The following SLC25A26 variants were observed in gnomAD, a reference collection of about 807,000 sequenced individuals.
SLC25A26 encodes the protein solute carrier family 25 member 26.
Under a neutral mutation model 37.8 loss-of-function variants are expected in SLC25A26, and 36 were observed. That is an observed-to-expected ratio of 0.95 (90% CI 0.73 to 1.26). The LOEUF (loss-of-function observed/expected upper bound fraction) is 1.26, where lower values mean the gene tolerates loss of function less well. Among genes scored for constraint, SLC25A26 ranks in the 50% most tolerant of loss-of-function variants. The pLI, the probability that SLC25A26 is intolerant of heterozygous loss-of-function variation, is 0.00. For missense variants in SLC25A26, 390 were observed against 331.1 expected (o/e 1.18, Z -1.38); for synonymous variants, 129 against 122.5 (o/e 1.05, Z -0.35).
chr3:66,318,449 T>C (rs2075601389), intron 5 of SLC25A26, among the ~76,000 whole-genome samples: 1 of 152,054 alleles, frequency 6.6e-6, no homozygotes, highest in South Asian at 2.1e-4. Flanking sequence ...CTTGTGAAGC[T>C]CCCGGGTGGG....
chr3:66,303,754 G>A (rs2075139327), intron 5 of SLC25A26, among the ~76,000 whole-genome samples: 1 of 152,196 alleles, frequency 6.6e-6, no homozygotes, highest in Non-Finnish European at 1.5e-5. Flanking sequence ...GCAGCAGTCT[G>A]AGGACCGCGT....
chr3:66,228,557 T>C (rs929466666), intron 1 of SLC25A26, among the ~76,000 whole-genome samples: 1 of 152,190 alleles, frequency 6.6e-6, no homozygotes, highest in Non-Finnish European at 1.5e-5. Context: ...ACCAGATACA[T>C]TTGTTGGCCT....
intron 5 of SLC25A26, among the ~76,000 whole-genome samples, chr3:66,317,361 T>C (rs2107627021): frequency 6.6e-6 from 1 of 152,284 alleles, no homozygotes; most frequent in South Asian, 2.1e-4. Context: ...CAGGCCCCTC[T>C]TCTGTAGGAC....
intron 3 of SLC25A26, among the ~76,000 whole-genome samples, chr3:66,257,397 C>G (rs1260257049): frequency 2.0e-5 from 3 of 151,926 alleles, no homozygotes; most frequent in African/African-American, 4.8e-5. Flanking sequence ...AGGGAAACAC[C>G]TGGGAATTCA....
chr3:66,372,960 C>G (rs551683476), intron 9 of SLC25A26, among the ~76,000 whole-genome samples: 1 of 152,326 alleles, frequency 6.6e-6, no homozygotes, highest in African/African-American at 2.4e-5. Context: ...GGGGTCAAGT[C>G]AAGTGGCGAC....
intron 1 of SLC25A26, among the ~76,000 whole-genome samples, chr3:66,209,387 A>G (rs930064894): frequency 2.9e-5 from 4 of 140,116 alleles, no homozygotes; most frequent in Admixed American, 7.6e-5. Context: ...ATGTACATGT[A>G]TCTATATGTA....
chr3:66,343,477 C>G (rs182488151), intron 5 of SLC25A26, among the ~76,000 whole-genome samples: 161 of 152,134 alleles, frequency 1.1e-3, no homozygotes, highest in African/African-American at 3.6e-3. Flanking sequence ...AAACTAAATA[C>G]CCAGTGGAAT....
chr3:66,188,580 C>A (rs2070874636), intron 1 of SLC25A26, among the ~76,000 whole-genome samples: 1 of 152,116 alleles, frequency 6.6e-6, no homozygotes, highest in African/African-American at 2.4e-5. Context: ...CCTTTGCCTT[C>A]TTCTATGAGT....
intron 1 of SLC25A26, among the ~76,000 whole-genome samples, chr3:66,204,335 A>T (rs1228853710): frequency 6.8e-6 from 1 of 147,952 alleles, no homozygotes; most frequent in East Asian, 2.1e-4. Flanking sequence ...CTGAGGCAGG[A>T]GAATGGAGTG....
At chr3:66,183,478 C>T (rs1327396797) in intron 1 of SLC25A26, among the ~76,000 whole-genome samples, 9 of 152,162 alleles carry the variant, frequency 5.9e-5, no homozygotes, top group South Asian at 2.1e-4. Flanking sequence ...ATGGCCCTCA[C>T]GCTGACTCTG....
Position 66,352,442 on chromosome 3 carries a change from G to GTT in SLC25A26, c.498+6044_498+6045dup, listed in dbSNP as rs58389048. Among the ~76,000 whole-genome samples, 126 of 128,984 alleles carry GTT rather than the reference G, an allele frequency of 9.8e-4. 6 individuals are homozygous for GTT. Among genetic ancestry groups the GTT allele is most frequent in the African/African-American group, 3.6e-3 (123 of 34,098 alleles). 84.6% of individuals were successfully genotyped at this position (128,984 alleles called of 152,430 possible). A position where few individuals can be genotyped will look rare whatever the true frequency, so the allele number is the denominator to read the frequency against. On this transcript the variant is annotated intron_variant, in intron 6 of 9. Transcript: ENST00000354883. ...CCTCGTTTTTTGTTTTTTGTTTTTTGTTTTTTTTTTTGAGATGTACCAAGG... is the reference window on the plus strand; with the variant it reads ...CCTCGTTTTTTGTTTTTTGTTTTTTGTTTTTTTTTTTTTGAGATGTACCAAGG...
At chr3:66,158,711 A>G (rs1195821522) in intron 1 of SLC25A26, among the ~76,000 whole-genome samples, 1 of 152,136 alleles carries the variant, frequency 6.6e-6, no homozygotes, top group African/African-American at 2.4e-5. Context: ...GGCTGAAGGA[A>G]AATAGGATTT....
chr3:66,310,383 C>G (rs1047471987), intron 5 of SLC25A26, among the ~76,000 whole-genome samples: 12 of 152,120 alleles, frequency 7.9e-5, no homozygotes, highest in African/African-American at 2.7e-4. Context: ...TATTTTGAGC[C>G]TATTTGTGTC....
At chr3:66,323,565 A>C (rs1172956488) in intron 5 of SLC25A26, among the ~76,000 whole-genome samples, 1 of 152,126 alleles carries the variant, frequency 6.6e-6, no homozygotes, top group African/African-American at 2.4e-5. Flanking sequence ...CAGCACTTTG[A>C]GAGGCCGAGG....
At chr3:66,356,532 A>G (rs138753655) in intron 6 of SLC25A26, among the ~76,000 whole-genome samples, 40 of 152,364 alleles carry the variant, frequency 2.6e-4, no homozygotes, top group Non-Finnish European at 5.4e-4. Context: ...GTGAAACTCA[A>G]CTAGGGTCTG....
intron 1 of SLC25A26, among the ~76,000 whole-genome samples, chr3:66,187,533 A>G (rs1261827932): frequency 6.6e-6 from 1 of 151,880 alleles, no homozygotes. Context: ...TATTCATGCT[A>G]TCACCCTGAC....
chr3:66,178,670 G>T (rs187240664), intron 1 of SLC25A26, among the ~76,000 whole-genome samples: 1 of 152,238 alleles, frequency 6.6e-6, no homozygotes. Context: ...AAGGTGTTGA[G>T]ATTCTAGATG....
intron 5 of SLC25A26, among the ~76,000 whole-genome samples, chr3:66,314,611 A>G (rs2075478571): frequency 6.6e-6 from 1 of 152,152 alleles, no homozygotes. Flanking sequence ...AGGTTTTGGT[A>G]TCAGGATGAT....
intron 1 of SLC25A26, among the ~76,000 whole-genome samples, chr3:66,206,679 C>T (rs1010127909): frequency 2.0e-5 from 3 of 150,134 alleles, no homozygotes; most frequent in Non-Finnish European, 3.0e-5. Context: ...ATATTTGCAT[C>T]GCTCAGCAAG....
Sources: gnomAD v4.1 joint callset for allele counts (sites outside exome capture counted in the v4.1 genomes callset) on GRCh38, gnomAD v4.1.1 for gene constraint, MANE v1.5 for transcripts, NCBI Gene and HGNC (gene_info 2026-07-23, HGNC 2026-07-21) for gene names.